Variants in PCDHA5 observed in about 807,000 individuals in gnomAD.
PCDHA5 encodes the protein protocadherin alpha-5.
A neutral mutation model predicts 61.6 loss-of-function variants in PCDHA5; 43 were observed. The observed-to-expected ratio is 0.70, with a 90% CI of 0.55 to 0.90. The LOEUF (loss-of-function observed/expected upper bound fraction) is 0.90. Among genes scored for constraint, PCDHA5 ranks in the 40% least tolerant of loss-of-function variants. The pLI is 0.00. For missense variants in PCDHA5, 1,298 were observed against 1,222.7 expected, an observed-to-expected ratio of 1.06 and a Z score of -0.92; for synonymous variants, 627 against 543.9, an observed-to-expected ratio of 1.15 and a Z score of -2.13.
intron 1 of PCDHA5, among the ~76,000 whole-genome samples, chr5:140,945,159 A>G (rs1341706509): frequency 2.0e-5 from 3 of 152,178 alleles, no homozygotes; most frequent in Non-Finnish European, 4.4e-5. Flanking sequence ...TACACTATTG[A>G]ACTATCTGAA....
chr5:140,877,419 G>A (rs1554169722), intron 1 of PCDHA5: 1 of 1,613,922 alleles, frequency 6.2e-7, no homozygotes, highest in Non-Finnish European at 8.5e-7. Context: ...GCCTGCTGGT[G>A]CTGGTGAAGG....
intron 1 of PCDHA5, among the ~76,000 whole-genome samples, chr5:140,965,085 C>T (rs1439379437): frequency 6.6e-6 from 1 of 152,142 alleles, no homozygotes; most frequent in African/African-American, 2.4e-5. Context: ...TGACTTTGTT[C>T]CAGTCCATAG....
intron 1 of PCDHA5, chr5:140,852,492 G>T (rs972287680): frequency 4.6e-6 from 1 of 217,062 alleles, no homozygotes; most frequent in Non-Finnish European, 8.5e-6. Context: ...TGGCCAGGTT[G>T]GTCTCGAACT....
intron 1 of PCDHA5, chr5:140,849,056 G>T: frequency 6.4e-7 from 1 of 1,554,944 alleles, no homozygotes; most frequent in South Asian, 1.1e-5. Context: ...CCAGCAACCA[G>T]CAGGTAAAAC....
intron 3 of PCDHA5, among the ~76,000 whole-genome samples, chr5:140,999,845 T>C (rs1293721817): frequency 6.6e-6 from 1 of 152,188 alleles, no homozygotes; most frequent in African/African-American, 2.4e-5. Context: ...CAAGTGTATT[T>C]ATCTCTTCCG....
At chr5:140,950,389 T>C (rs269550) in intron 1 of PCDHA5, among the ~76,000 whole-genome samples, 33,984 of 151,960 alleles carry the variant, frequency 0.22, 4,900 homozygotes, top group African/African-American at 0.41. Context: ...TTGAATGATA[T>C]AGAATTCTGG....
At chr5:140,842,161 T>C in intron 1 of PCDHA5, 1 of 1,613,884 alleles carries the variant, frequency 6.2e-7, no homozygotes. Flanking sequence ...TTTCATATTC[T>C]TTTAATAGCC....
intron 1 of PCDHA5, among the ~76,000 whole-genome samples, chr5:140,915,458 G>A (rs1172885235): frequency 6.6e-6 from 1 of 152,126 alleles, no homozygotes; most frequent in Non-Finnish European, 1.5e-5. Context: ...TTTCCAGAAG[G>A]TTTTTATTTG....
chr5:140,870,864 C>T lies in PCDHA5; in HGVS notation c.2352+46737C>T, dbSNP rs782241816. The T allele has an allele frequency of 3.7e-6, 6 of 1,613,816 alleles. No homozygotes were observed. The African/African-American group carries it at 8.0e-5, about 22-fold the overall frequency. ...TAGTACCGCGGTCGGTGGGTGCGGG[C>T]CACGTGGTGGCGAAGGTGCGCGCAG... On this transcript the variant is annotated intron_variant, in intron 1 of 3. Coordinates refer to ENST00000529859, the MANE Select transcript of PCDHA5 (RefSeq NM_018908.3).
chr5:140,848,963 C>G (rs376979276), intron 1 of PCDHA5: 3 of 1,606,264 alleles, frequency 1.9e-6, no homozygotes, highest in Non-Finnish European at 1.7e-6. Flanking sequence ...CACTAGAGGG[C>G]GCGTCCGATG....
At chr5:140,993,078 A>G (rs1373767899) in intron 3 of PCDHA5, among the ~76,000 whole-genome samples, 2 of 152,212 alleles carry the variant, frequency 1.3e-5, no homozygotes, top group Non-Finnish European at 2.9e-5. Flanking sequence ...GCAGTCTGCA[A>G]TCAGCAGGGC....
chr5:140,971,184 A>C (rs1431296656), intron 1 of PCDHA5, among the ~76,000 whole-genome samples: 1 of 152,188 alleles, frequency 6.6e-6, no homozygotes, highest in African/African-American at 2.4e-5. Context: ...TGTAAGCCGG[A>C]AGCTCAGAGG....
chr5:140,906,661 A>C (rs1237437986), intron 1 of PCDHA5, among the ~76,000 whole-genome samples: 1 of 152,176 alleles, frequency 6.6e-6, no homozygotes, highest in African/African-American at 2.4e-5. Flanking sequence ...TTCCTGGTGT[A>C]GTGACCCAAA....
At chr5:140,941,211 C>CTT (rs59928198) in intron 1 of PCDHA5, among the ~76,000 whole-genome samples, 19 of 129,722 alleles carry the variant, frequency 1.5e-4, no homozygotes, top group African/African-American at 5.2e-4. Flanking sequence ...TCCTTTCTTT[C>CTT]TTCCTTTCTT....
rs2150434628 is a variant in PCDHA5, at chr5:140,849,311, C to T, written c.2352+25184C>T. On this transcript the variant is annotated intron_variant, in intron 1 of 3. Transcript: ENST00000529859. ...CCAATGCCTCAGATTTAGACGAAGGCTTGAATGGGGATATTATTTACTCCT... is the reference window on the plus strand; with the variant it reads ...CCAATGCCTCAGATTTAGACGAAGGTTTGAATGGGGATATTATTTACTCCT... 446 of 1,312,408 alleles carry T rather than the reference C, an allele frequency of 3.4e-4. 16 individuals carry two copies. The African/African-American group carries it at 6.8e-3, about 20-fold the overall frequency. 81.3% of individuals were successfully genotyped at this position (1,312,408 alleles called of 1,614,324 possible). A position where few individuals can be genotyped will look rare whatever the true frequency, so the allele number is the denominator to read the frequency against.
chr5:140,915,234 A>G (rs1373292519), intron 1 of PCDHA5, among the ~76,000 whole-genome samples: 1 of 152,144 alleles, frequency 6.6e-6, no homozygotes, highest in Non-Finnish European at 1.5e-5. Flanking sequence ...GGCATGAGCC[A>G]CCATGCCTGG....
At chr5:140,836,792 G>A (rs781818049) in intron 1 of PCDHA5, 3 of 1,416,344 alleles carry the variant, frequency 2.1e-6, no homozygotes, top group Non-Finnish European at 2.9e-6. Context: ...AGTTCAATTG[G>A]TCTCCTTAAA....
chr5:140,908,967 G>A (rs1039870615), intron 1 of PCDHA5, among the ~76,000 whole-genome samples: 10 of 152,076 alleles, frequency 6.6e-5, no homozygotes, highest in African/African-American at 2.4e-4. Context: ...ATCTTGATAG[G>A]CCCCACTCCA....
chr5:140,849,616 T>C (rs2150442441), intron 1 of PCDHA5: 3 of 1,598,578 alleles, frequency 1.9e-6, no homozygotes, highest in African/African-American at 2.7e-5. Flanking sequence ...CTGATTAGTG[T>C]GATCGACCTA....
Sources: gnomAD v4.1 joint callset for allele counts (sites outside exome capture counted in the v4.1 genomes callset) on GRCh38, gnomAD v4.1.1 for gene constraint, MANE v1.5 for transcripts, NCBI Gene and HGNC (gene_info 2026-07-23, HGNC 2026-07-21) for gene names.